The following AKR1E2 variants were observed in gnomAD, a reference collection of about 807,000 sequenced individuals.
AKR1E2 encodes the protein aldo-keto reductase family 1 member E2.
AKR1E2 carries 43 observed loss-of-function variants against 41.9 expected under a neutral mutation model. That is an observed-to-expected ratio of 1.03 (90% CI 0.80 to 1.32). The LOEUF (loss-of-function observed/expected upper bound fraction) is 1.32, where lower values mean the gene tolerates loss of function less well. Ranked by LOEUF, AKR1E2 falls within the 40% of genes most tolerant of loss-of-function variation. The pLI, the probability that AKR1E2 is intolerant of heterozygous loss-of-function variation, is 0.00. For missense variants in AKR1E2, 423 were observed against 396.5 expected (o/e 1.07, Z -0.57); for synonymous variants, 121 against 138.9 (o/e 0.87, Z 0.91).
chr10:4,830,806 C>A lies in AKR1E2; in HGVS notation c.171C>A (p.Gly57=). 1 of 1,614,072 alleles carries A rather than the reference C, an allele frequency of 6.2e-7. No homozygotes were observed. Among genetic ancestry groups the A allele is most frequent in the Middle Eastern group, 1.6e-4 (1 of 6,062 alleles). The change falls in exon 2 of 10, where the codon GGC becomes GGA. Residue 57 remains glycine, a synonymous_variant. Coordinates refer to ENST00000298375, the MANE Select transcript of AKR1E2 (RefSeq NM_001040177.3). ...GAGIRCKIKE[G]AVRREDLFIA... is the part of the protein sequence containing the mutation. Reference sequence around the variant, plus strand: ...GGATCCGTTGCAAGATCAAGGAAGGCGCTGTAAGACGGGAGGATCTGTTCA... The same window carrying A: ...GGATCCGTTGCAAGATCAAGGAAGGAGCTGTAAGACGGGAGGATCTGTTCA...
At chr10:4,851,088 C>A (rs753991380), downstream of AKR1E2, among the ~76,000 whole-genome samples, 166 of 152,320 alleles carry the variant, frequency 1.1e-3, no homozygotes, top group Non-Finnish European at 1.9e-3. Context: ...GGGAGAGGCA[C>A]GCATGTGGAG....
intron 6 of AKR1E2, 104 bp from the exon 7 acceptor site, chr10:4,841,681 T>C: frequency 1.1e-6 from 1 of 887,992 alleles, no homozygotes. Context: ...TGTGTCATGA[T>C]CAGAAAATAA....
intron 8 of AKR1E2, among the ~76,000 whole-genome samples, chr10:4,843,350 C>A (rs978129403): frequency 6.6e-6 from 1 of 152,172 alleles, no homozygotes; most frequent in African/African-American, 2.4e-5. Context: ...ATGGAAGTAC[C>A]TGATGCTCTT....
chr10:4,837,659 AAATGGAAG>A, intron 5 of AKR1E2, 78 bp downstream of exon 5: 1 of 1,558,354 alleles, frequency 6.4e-7, no homozygotes, highest in Non-Finnish European at 8.7e-7. Flanking sequence ...GCTCTTCTGG[AAATGGAAG>A]AATGGGTGAA....
the AKR1E2 span, among the ~76,000 whole-genome samples, chr10:4,857,935 C>G: frequency 6.6e-6 from 1 of 152,020 alleles, no homozygotes. Flanking sequence ...GAAGAACCAA[C>G]TCATTGTTTC....
At position 4,833,472 on chromosome 10, in the gene AKR1E2, G is replaced by A. The variant is rs41289263; in HGVS notation, c.324+6G>A. On this transcript the variant is annotated splice_donor_region_variant and intron_variant, in intron 3 of 9. Coordinates refer to ENST00000298375, the MANE Select transcript of AKR1E2 (RefSeq NM_001040177.3). ...ACTGGCCCATGGGTTTCAAGGTACC[G>A]TTCAGTAGGTAGTTCGTTCTGCAGT... 0.043 allele frequency: 68,353 copies of A among 1,608,250 alleles called. 1,813 individuals are homozygous for A. Among genetic ancestry groups the A allele is most frequent in the East Asian group, 0.12 (5,507 of 44,806 alleles).
chr10:4,865,880 G>C, the AKR1E2 span, among the ~76,000 whole-genome samples: 1 of 152,106 alleles, frequency 6.6e-6, no homozygotes, highest in Non-Finnish European at 1.5e-5. Context: ...AAGAAAAATT[G>C]TATTCATCAT....
the AKR1E2 span, among the ~76,000 whole-genome samples, chr10:4,866,674 G>A: frequency 3.0e-4 from 40 of 135,466 alleles, no homozygotes; most frequent in African/African-American, 1.1e-3. Flanking sequence ...ATGGAGTCTC[G>A]CTGTCGCCCA....
chr10:4,839,769 G>T lies in AKR1E2; in HGVS notation c.623G>T (p.Ser208Ile). 6.2e-7 allele frequency: 1 copy of T among 1,614,030 alleles called. No homozygotes were observed. The change falls in exon 6 of 10, where the codon AGT becomes ATT. Residue 208 changes from serine (S) to isoleucine (I), a missense_variant. Transcript: ENST00000298375. ...TATCTTACTCAGAAGAATCTGATCA[G>T]TTTTTGCCAATCCAGAGATGTGTCC... ...HPYLTQKNLI[S>I]FCQSRDVSVT...
chr10:4,850,522 C>A (rs1834501580), downstream of AKR1E2, among the ~76,000 whole-genome samples: 1 of 152,192 alleles, frequency 6.6e-6, no homozygotes, highest in Non-Finnish European at 1.5e-5. Context: ...AAACTGCCAA[C>A]TGTTTCCCAA....
At chr10:4,845,837 G>GT (rs1464599764) in intron 8 of AKR1E2, 3 of 470,832 alleles carry the variant, frequency 6.4e-6, no homozygotes, top group Non-Finnish European at 1.3e-5. Flanking sequence ...CCAGGCTGAC[G>GT]TGAGACCTGA....
intron 2 of AKR1E2, among the ~76,000 whole-genome samples, chr10:4,833,050 C>T (rs747098945): frequency 1.9e-4 from 29 of 152,174 alleles, no homozygotes; most frequent in African/African-American, 5.6e-4. Flanking sequence ...ATTTCATTTT[C>T]GTTTTTGTTT....
chr10:4,826,678 T>C lies in AKR1E2; in HGVS notation c.39+315T>C, dbSNP rs75079745. Among the ~76,000 whole-genome samples, 4,974 of 152,194 alleles carry C rather than the reference T, an allele frequency of 0.033. 131 individuals are homozygous for C. The highest frequency in any genetic ancestry group is 0.11 in the East Asian group (573 of 5,124). ...GCTGCTCTGTGGAGAGGCGGAGCCCTTGAAGTTACTCAGAACTGGAGCGGG... is the reference window on the plus strand; with the variant it reads ...GCTGCTCTGTGGAGAGGCGGAGCCCCTGAAGTTACTCAGAACTGGAGCGGG... On this transcript the variant is annotated intron_variant, in intron 1 of 9. Transcript: ENST00000298375.
chr10:4,828,055 ATTTT>A (rs1832684907), intron 1 of AKR1E2, among the ~76,000 whole-genome samples: 1 of 152,166 alleles, frequency 6.6e-6, no homozygotes, highest in Non-Finnish European at 1.5e-5. Flanking sequence ...TTACTCGTCT[ATTTT>A]TAATAGTGAA....
intron 6 of AKR1E2, among the ~76,000 whole-genome samples, chr10:4,841,512 C>T (rs761103334): frequency 5.5e-4 from 84 of 152,116 alleles, no homozygotes; most frequent in Non-Finnish European, 1.0e-3. Flanking sequence ...TGGCTGCATG[C>T]GCTGACATGG....
chr10:4,831,610 T>C (rs1384098446), intron 2 of AKR1E2, among the ~76,000 whole-genome samples: 4 of 152,168 alleles, frequency 2.6e-5, no homozygotes, highest in African/African-American at 9.7e-5. Flanking sequence ...ACTGGGTCCC[T>C]CCCATGACAC....
chr10:4,861,472 G>A, the AKR1E2 span, among the ~76,000 whole-genome samples: 5 of 152,004 alleles, frequency 3.3e-5, no homozygotes, highest in African/African-American at 1.2e-4. Context: ...CTGGGTTAAA[G>A]CGATTCTTGT....
rs149491357 is a variant in AKR1E2, at chr10:4,847,493, A to G, written c.926A>G (p.Lys309Arg). Residue 309 changes from lysine to arginine, a missense_variant, in exon 10 of 10, where the codon AAA (lysine) becomes AGA (arginine). Coordinates refer to ENST00000298375, the MANE Select transcript of AKR1E2 (RefSeq NM_001040177.3). Reference protein sequence around the residue: ...NLRLAMFPITKNHKDYPFHIE... With the variant: ...NLRLAMFPITRNHKDYPFHIE... ...TTTGTTTTTCTGTTTTTCAGAACTA[A>G]AAATCACAAAGACTATCCTTTCCAC... 250 of 1,612,694 alleles carry G rather than the reference A, an allele frequency of 1.6e-4. 4 individuals are homozygous for G. In the East Asian group the frequency reaches 5.4e-3, roughly 35 times the overall value.
intron 2 of AKR1E2, among the ~76,000 whole-genome samples, chr10:4,832,597 C>A (rs1227995766): frequency 6.6e-6 from 1 of 152,286 alleles, no homozygotes; most frequent in South Asian, 2.1e-4. Flanking sequence ...ATAAATAAAT[C>A]ACACATATAA....
Sources: allele counts gnomAD v4.1 joint callset (sites outside exome capture counted in the v4.1 genomes callset), GRCh38; gene constraint gnomAD v4.1.1; transcripts MANE v1.5; gene names NCBI Gene and HGNC (gene_info 2026-07-23, HGNC 2026-07-21).